FOXO3: variants seen among roughly 807,000 people sequenced by gnomAD.
FOXO3 encodes the protein forkhead box O3.
Under a neutral mutation model 41.9 loss-of-function variants are expected in FOXO3, and 4 were observed. The ratio of observed to expected loss-of-function variants is 0.10; its 90% confidence interval spans 0.05 to 0.22. The LOEUF (loss-of-function observed/expected upper bound fraction) is 0.22. Among genes scored for constraint, FOXO3 ranks in the 10% least tolerant of loss-of-function variants. The pLI, the probability that FOXO3 is intolerant of heterozygous loss-of-function variation, is 1.00. For synonymous variants in FOXO3, 318 were observed against 389.3 expected, an observed-to-expected ratio of 0.82 and a Z score of 2.16; for missense variants, 534 against 906.8, an observed-to-expected ratio of 0.59 and a Z score of 5.28.
chr6:108,610,457 C>T (rs1777329309), intron 1 of FOXO3, among the ~76,000 whole-genome samples: 1 of 152,194 alleles, frequency 6.6e-6, no homozygotes, highest in African/African-American at 2.4e-5. Context: ...CGCTTAGCTT[C>T]ATGGGCTGAG....
chr6:108,593,538 C>T (rs1208792935), intron 1 of FOXO3, among the ~76,000 whole-genome samples: 1 of 151,512 alleles, frequency 6.6e-6, no homozygotes, highest in Non-Finnish European at 1.5e-5. Flanking sequence ...CCACCATACC[C>T]AGCTCATTTT....
intron 1 of FOXO3, among the ~76,000 whole-genome samples, chr6:108,637,623 A>G (rs1778152791): frequency 6.6e-6 from 1 of 152,094 alleles, no homozygotes. Flanking sequence ...GGAAGACTTT[A>G]TTTCCACCAA....
intron 1 of FOXO3, among the ~76,000 whole-genome samples, chr6:108,578,989 T>G (rs1776337102): frequency 6.6e-6 from 1 of 152,294 alleles, no homozygotes; most frequent in African/African-American, 2.4e-5. Flanking sequence ...CAGGGCCTCA[T>G]GATCAGCTAG....
At chr6:108,589,012 T>C (rs987779095) in intron 1 of FOXO3, among the ~76,000 whole-genome samples, 4 of 152,198 alleles carry the variant, frequency 2.6e-5, no homozygotes, top group African/African-American at 9.7e-5. Flanking sequence ...AAATTCATGT[T>C]CCTCAGGGTT....
At position 108,561,840 on chromosome 6, in the gene FOXO3, A is replaced by C. The variant is rs370442852; in HGVS notation, c.621+11A>C. ...TCTGCCGGCTGGAAGGTGCGTACCC[A>C]CCCCGGGCTGGCAGCAGGACCCGCC... is the stretch of plus-strand genomic sequence containing the variant. On this transcript the variant is annotated intron_variant, in intron 1 of 2. Transcript: ENST00000406360. 1.5e-5 allele frequency: 22 copies of C among 1,515,256 alleles called. No individual in the cohort carries two copies. The highest frequency in any genetic ancestry group is 2.1e-5 in the Admixed American group (1 of 47,750). 93.9% of individuals were successfully genotyped at this position (1,515,256 alleles called of 1,614,324 possible). A position where few individuals can be genotyped will look rare whatever the true frequency, so the allele number is the denominator to read the frequency against.
chr6:108,637,931 C>G (rs1229109165), intron 1 of FOXO3, among the ~76,000 whole-genome samples: 1 of 151,834 alleles, frequency 6.6e-6, no homozygotes, highest in South Asian at 2.1e-4. Context: ...TACATATATT[C>G]AATGTTAAAT....
rs147574485 is a variant in FOXO3 at position 108,610,288 on chromosome 6, G to C, written c.621+48459G>C. Reference sequence around the variant, plus strand: ...TTTAAAATAAAAGGACTGAGTCTAAGAGTCCTGTAAATTGCTTAGATTCTG... The same window carrying C: ...TTTAAAATAAAAGGACTGAGTCTAACAGTCCTGTAAATTGCTTAGATTCTG... On this transcript the variant is annotated intron_variant, in intron 1 of 2. Coordinates refer to ENST00000406360, the MANE Select transcript of FOXO3 (RefSeq NM_001455.4). Among the ~76,000 whole-genome samples the C allele has an allele frequency of 9.4e-4, 143 of 152,202 alleles. 1 individual carries two copies. Among genetic ancestry groups the C allele is most frequent in the African/African-American group, 3.1e-3 (128 of 41,524 alleles).
At chr6:108,595,517 C>G (rs543308122) in intron 1 of FOXO3, among the ~76,000 whole-genome samples, 1 of 152,228 alleles carries the variant, frequency 6.6e-6, no homozygotes, top group South Asian at 2.1e-4. Flanking sequence ...TCATTGAGAC[C>G]ATTTACATAA....
intron 2 of FOXO3, among the ~76,000 whole-genome samples, chr6:108,665,797 A>G (rs1779036549): frequency 6.8e-6 from 1 of 147,148 alleles, no homozygotes; most frequent in Non-Finnish European, 1.5e-5. Context: ...TGGTAAAGCA[A>G]GAACCTATCT....
chr6:108,600,694 A>T (rs1777027709), intron 1 of FOXO3, among the ~76,000 whole-genome samples: 1 of 152,138 alleles, frequency 6.6e-6, no homozygotes, highest in Non-Finnish European at 1.5e-5. Context: ...GTTGATTGGA[A>T]TGATAAGTAA....
At chr6:108,605,110 A>C (rs1292141470) in intron 1 of FOXO3, among the ~76,000 whole-genome samples, 1 of 151,466 alleles carries the variant, frequency 6.6e-6, no homozygotes, top group Non-Finnish European at 1.5e-5. Flanking sequence ...CCTTATATCT[A>C]ATACTAACTT....
At chr6:108,603,923 A>G (rs996227564) in intron 1 of FOXO3, among the ~76,000 whole-genome samples, 1 of 152,188 alleles carries the variant, frequency 6.6e-6, no homozygotes, top group Non-Finnish European at 1.5e-5. Context: ...GTATTTTTGT[A>G]ATGATCTTGG....
At chr6:108,591,918 A>G (rs984793136) in intron 1 of FOXO3, among the ~76,000 whole-genome samples, 14 of 151,940 alleles carry the variant, frequency 9.2e-5, no homozygotes, top group Admixed American at 3.3e-4. Flanking sequence ...AAATAGTGAC[A>G]TGTCAGTACA....
At chr6:108,602,541 A>G (rs912036290) in intron 1 of FOXO3, among the ~76,000 whole-genome samples, 1 of 152,086 alleles carries the variant, frequency 6.6e-6, no homozygotes, top group East Asian at 1.9e-4. Context: ...GAATGGGGTA[A>G]AGAATTACAG....
At chr6:108,674,537 G>A (rs1770502040) in intron 2 of FOXO3, among the ~76,000 whole-genome samples, 1 of 152,166 alleles carries the variant, frequency 6.6e-6, no homozygotes, top group South Asian at 2.1e-4. Flanking sequence ...CCCTGAAAAA[G>A]TTGCCATTTC....
chr6:108,648,918 G>T (rs1172447966), intron 1 of FOXO3, among the ~76,000 whole-genome samples: 3 of 150,494 alleles, frequency 2.0e-5, no homozygotes, highest in Non-Finnish European at 4.4e-5. Context: ...GATCACTTGA[G>T]CCCAGGAGCT....
intron 2 of FOXO3, among the ~76,000 whole-genome samples, chr6:108,670,899 G>A (rs1315027344): frequency 6.6e-6 from 1 of 152,212 alleles, no homozygotes; most frequent in Non-Finnish European, 1.5e-5. Context: ...TGGTAGAAGT[G>A]CTCAAGAAAG....
At chr6:108,616,937 C>A (rs1252763984) in intron 1 of FOXO3, among the ~76,000 whole-genome samples, 1 of 152,148 alleles carries the variant, frequency 6.6e-6, no homozygotes, top group Non-Finnish European at 1.5e-5. Context: ...CCAGGTTCAT[C>A]CATGTTGGTA....
At position 108,663,805 on chromosome 6, in the gene FOXO3, G is replaced by T. The variant is rs1186370520; in HGVS notation, c.972G>T (p.Leu324=). The T allele has an allele frequency of 1.2e-6, 2 of 1,613,780 alleles. No individual in the cohort carries two copies. Among genetic ancestry groups the T allele is most frequent in the Non-Finnish European group, 1.7e-6 (2 of 1,179,814 alleles). The change falls in exon 2 of 3, where the codon CTG becomes CTT. Residue 324 remains leucine, a synonymous_variant. Coordinates refer to ENST00000406360, the MANE Select transcript of FOXO3 (RefSeq NM_001455.4). ...NSNASTVSGR[L]SPIMASTELD... ...ACGCCAGCACAGTCAGTGGCCGCCT[G>T]TCGCCCATCATGGCAAGCACAGAGT...
Sources: gnomAD v4.1 joint callset for allele counts (sites outside exome capture counted in the v4.1 genomes callset) on GRCh38, gnomAD v4.1.1 for gene constraint, MANE v1.5 for transcripts, NCBI Gene and HGNC (gene_info 2026-07-23, HGNC 2026-07-21) for gene names.